The following IRX6 variants were observed in gnomAD, a reference collection of about 807,000 sequenced individuals.
IRX6 encodes iroquois-class homeodomain protein IRX-6.
IRX6 carries 46 observed loss-of-function variants against 47.7 expected under a neutral mutation model. The ratio of observed to expected loss-of-function variants is 0.96; its 90% confidence interval spans 0.76 to 1.23. The LOEUF (loss-of-function observed/expected upper bound fraction) is 1.23, where lower values mean the gene tolerates loss of function less well. Ranked by LOEUF, IRX6 falls within the 50% of genes most tolerant of loss-of-function variation. IRX6 has a pLI of 0.00. For missense variants in IRX6, 722 were observed against 588.0 expected, an observed-to-expected ratio of 1.23 and a Z score of -2.36; for synonymous variants, 265 against 246.2, an observed-to-expected ratio of 1.08 and a Z score of -0.72.
At chr16:55,326,288 TGG>T (rs767987070) in intron 1 of IRX6, 46 bp from the exon 2 acceptor site, 9 of 949,916 alleles carry the variant, frequency 9.5e-6, no homozygotes, top group South Asian at 1.6e-5. Flanking sequence ...GGGGCGGGGG[TGG>T]GGGGGGGGTC....
At position 55,327,360 on chromosome 16, in the gene IRX6, C is replaced by A. The variant is rs1204550343; in HGVS notation, c.368C>A (p.Ala123Asp). 1.9e-6 allele frequency: 3 copies of A among 1,613,950 alleles called. No individual in the cohort carries two copies. Among genetic ancestry groups the A allele is most frequent in the Non-Finnish European group, 2.5e-6 (3 of 1,179,912 alleles). ...SFTSSLAQPG[A>D]YYPYERTLGQ... The stretch of plus-strand genomic sequence containing the variant: ...ACATCCAGCCTGGCACAACCAGGAG[C>A]CTATTATCCCTATGAGCGGACTCTG... Residue 123 changes from alanine (A) to aspartate (D), a missense_variant, in exon 3 of 6, where the codon GCC (alanine) becomes GAC (aspartate). Transcript: ENST00000290552.
Position 55,327,606 on chromosome 16 carries a change from G to A in IRX6, c.434G>A (p.Ser145Asn). 6.2e-7 allele frequency: 1 copy of A among 1,606,194 alleles called. No homozygotes were observed. Among genetic ancestry groups the A allele is most frequent in the Non-Finnish European group, 8.5e-7 (1 of 1,176,814 alleles). The change falls in exon 4 of 6, where the codon AGT becomes AAT. Residue 145 changes from serine (S) to asparagine (N), a missense_variant. Transcript: ENST00000290552. ...QYERYGAVELSGAGRRKNATR... is the reference protein window; with the variant it reads ...QYERYGAVELNGAGRRKNATR... ...CACAGGTATGGCGCAGTGGAATTGAGTGGCGCCGGTCGCCGAAAGAACGCG... is the reference window on the plus strand; with the variant it reads ...CACAGGTATGGCGCAGTGGAATTGAATGGCGCCGGTCGCCGAAAGAACGCG...
chr16:55,326,572 C>T lies in IRX6; in HGVS notation c.282C>T (p.Pro94=), dbSNP rs1479325229. The T allele has an allele frequency of 3.2e-6, 5 of 1,563,102 alleles. No homozygotes were observed. The highest frequency in any genetic ancestry group is 2.7e-5 in the African/African-American group (2 of 73,740). The change falls in exon 2 of 6, where the codon CCC becomes CCT. Residue 94 remains proline (P), a synonymous_variant. Transcript: ENST00000290552. ...GCTACCTGCCCTATAGCCCAGAGCC[C>T]CCCTCACTGTATGGGGCACTGGTGA... ...YPGYLPYSPE[P]PSLYGALNPQ...
In IRX6 at chr16:55,324,992, G is replaced by A. The variant is rs549271745; in HGVS notation, c.-100G>A. 4 of 1,255,864 alleles carry A rather than the reference G, an allele frequency of 3.2e-6. No individual in the cohort carries two copies. Among genetic ancestry groups the A allele is most frequent in the African/African-American group, 1.5e-5 (1 of 67,920 alleles). 77.8% of individuals were successfully genotyped at this position (1,255,864 alleles called of 1,614,324 possible). A position where few individuals can be genotyped will look rare whatever the true frequency, so the allele number is the denominator to read the frequency against. Reference sequence around the variant, plus strand: ...GGAACCGGCGCTGGGCATCCGCAGCGGTGTAAGGAACTGAGACACCTCACT... The same window carrying A: ...GGAACCGGCGCTGGGCATCCGCAGCAGTGTAAGGAACTGAGACACCTCACT... On this transcript the variant is annotated 5_prime_UTR_variant, in exon 1 of 6. Transcript: ENST00000290552. The surrounding 1 kb of genome is among the most constrained non-coding windows in gnomAD (Gnocchi z 4.4).
Position 55,328,916 on chromosome 16 carries a change from C to G in IRX6, c.938C>G (p.Ala313Gly). 6.2e-7 allele frequency: 1 copy of G among 1,613,198 alleles called. No individual in the cohort carries two copies. Among genetic ancestry groups the G allele is most frequent in the Non-Finnish European group, 8.5e-7 (1 of 1,179,974 alleles). Residue 313 changes from alanine to glycine, a missense_variant, in exon 5 of 6, where the codon GCG (alanine) becomes GGG (glycine). Transcript: ENST00000290552. ...GAGCGCAGGGAGTGCGGCCTGGCTG[C>G]GCCCCGCTTCTCCTTCAATGACCCT... ...RLERRECGLA[A>G]PRFSFNDPSG...
rs1567341056 is a variant in IRX6, at chr16:55,330,489, T to G, written c.*184T>G. On this transcript the variant is annotated 3_prime_UTR_variant, in exon 6 of 6. Transcript: ENST00000290552. ...GCAGAGCTGGGGTGGTGGGCCGACT[T>G]GAACCTTAGCAGTCCCCACGGGAGA... 1 of 650,990 alleles carries G rather than the reference T, an allele frequency of 1.5e-6. No individual in the cohort carries two copies. The highest frequency in any genetic ancestry group is 1.8e-5 in the South Asian group (1 of 54,102). The allele number at this position is 650,990 out of a possible 1,614,324, so 40.3% of individuals were successfully genotyped here. A position where few individuals can be genotyped will look rare whatever the true frequency, so the allele number is the denominator to read the frequency against.
At chr16:55,325,296 C>A (rs1960490147) in intron 1 of IRX6, among the ~76,000 whole-genome samples, 160 bp downstream of exon 1, 1 of 151,264 alleles carries the variant, frequency 6.6e-6, no homozygotes, top group Admixed American at 6.6e-5. Context: ...ATCCCCAGTC[C>A]CTAAATGAGA....
In IRX6 at chr16:55,324,358, C is replaced by T. The variant is rs1960471417; in HGVS notation, c.-734C>T. Reference sequence around the variant, plus strand: ...TTTCTCCTGTCTCTTCTTTTGTATTCTCTCCTCCCTCGCCGCCCCGGTTGC... The same window carrying T: ...TTTCTCCTGTCTCTTCTTTTGTATTTTCTCCTCCCTCGCCGCCCCGGTTGC... On this transcript the variant is annotated 5_prime_UTR_variant, in exon 1 of 6. Coordinates refer to ENST00000290552, the MANE Select transcript of IRX6 (RefSeq NM_024335.3). The surrounding 1 kb of genome is among the most constrained non-coding windows in gnomAD (Gnocchi z 4.4). The T allele has an allele frequency of 6.6e-6, 1 of 151,434 alleles. No individual in the cohort carries two copies. The highest frequency in any genetic ancestry group is 2.4e-5 in the African/African-American group (1 of 41,196). The allele number at this position is 151,434 out of a possible 1,614,324, so 9.4% of individuals were successfully genotyped here.
rs1960480272 is a variant in IRX6 at position 55,324,830 on chromosome 16, A to T, written c.-262A>T. Reference sequence around the variant, plus strand: ...CCACCACGCGCCTTTGGGAACCCGCATCTTCTTCCTTCCCCTGCCCATCCA... The same window carrying T: ...CCACCACGCGCCTTTGGGAACCCGCTTCTTCTTCCTTCCCCTGCCCATCCA... On this transcript the variant is annotated 5_prime_UTR_variant, in exon 1 of 6. Transcript: ENST00000290552. This position sits in a 1 kb window ranked among gnomAD's most constrained non-coding sequence, Gnocchi z 4.4. The T allele has an allele frequency of 3.6e-6, 2 of 549,726 alleles. No individual in the cohort carries two copies. Among genetic ancestry groups the T allele is most frequent in the Admixed American group, 3.2e-5 (1 of 31,188 alleles). The allele number at this position is 549,726 out of a possible 1,614,324, so 34.1% of individuals were successfully genotyped here. A position where few individuals can be genotyped will look rare whatever the true frequency, so the allele number is the denominator to read the frequency against.
chr16:55,329,697 C>CA, intron 5 of IRX6, among the ~76,000 whole-genome samples: 1 of 151,768 alleles, frequency 6.6e-6, no homozygotes, highest in East Asian at 1.9e-4. Flanking sequence ...CTCGCTGGTC[C>CA]CTGCTGTGCT....
chr16:55,327,921 T>C, intron 4 of IRX6, 28 bp downstream of exon 4: 1 of 1,557,278 alleles, frequency 6.4e-7, no homozygotes, highest in Non-Finnish European at 8.7e-7. Context: ...CACCCCACCT[T>C]AAGGGTTTTA....
chr16:55,330,611 G>A lies in IRX6; in HGVS notation c.*306G>A, dbSNP rs1960625442. On this transcript the variant is annotated 3_prime_UTR_variant, in exon 6 of 6. Transcript: ENST00000290552. ...CTCTTCCTCCTGTGGATTCAGCAAG[G>A]CTTCCTCTCCTGCTCACCCCTGTCT... The A allele has an allele frequency of 2.0e-6, 1 of 497,296 alleles. No homozygotes were observed. Among genetic ancestry groups the A allele is most frequent in the East Asian group, 3.6e-5 (1 of 27,816 alleles). The allele number at this position is 497,296 out of a possible 1,614,324, so 30.8% of individuals were successfully genotyped here.
chr16:55,326,850 G>T (rs57606480), intron 2 of IRX6: 4,939 of 419,236 alleles, frequency 0.012, 136 homozygotes, highest in South Asian at 0.05. Context: ...GTGCACAGGA[G>T]TTCAAATACT....
chr16:55,326,737 A>G, intron 2 of IRX6, 144 bp downstream of exon 2: 1 of 776,120 alleles, frequency 1.3e-6, no homozygotes, highest in Non-Finnish European at 1.9e-6. Flanking sequence ...AGTACCTTAC[A>G]GTTTGCAGAA....
rs1279281999 is a variant in IRX6 at position 55,327,719 on chromosome 16, G to A, written c.547G>A (p.Ala183Thr). Residue 183 changes from alanine (A) to threonine (T), a missense_variant, in exon 4 of 6, where the codon GCC (alanine) becomes ACC (threonine). Transcript: ENST00000290552. ...CACTAAGGGTGAGAAGATCATGCTG[G>A]CCATCATCACCAAGATGACCCTCAC... ...YPTKGEKIML[A>T]IITKMTLTQV... The A allele has an allele frequency of 4.3e-6, 7 of 1,612,216 alleles. No individual in the cohort carries two copies. The highest frequency in any genetic ancestry group is 1.7e-5 in the Admixed American group (1 of 59,994).
chr16:55,325,569 G>GAA (rs373316749), intron 1 of IRX6, among the ~76,000 whole-genome samples: 1 of 115,438 alleles, frequency 8.7e-6, no homozygotes, highest in Non-Finnish European at 1.9e-5. Context: ...GAGAAAGAAA[G>GAA]AGAAAGAAAG....
Position 55,329,315 on chromosome 16 carries a change from G to T in IRX6, c.1333+4G>T. On this transcript the variant is annotated splice_donor_region_variant and intron_variant, in intron 5 of 5. Coordinates refer to ENST00000290552, the MANE Select transcript of IRX6 (RefSeq NM_024335.3). Reference sequence around the variant, plus strand: ...CAGTACCCGTCTGGAGCAGAAGGTAGTGGGCCCCCAGCGGCGCTGGGAGTA... The same window carrying T: ...CAGTACCCGTCTGGAGCAGAAGGTATTGGGCCCCCAGCGGCGCTGGGAGTA... The T allele has an allele frequency of 6.3e-7, 1 of 1,591,764 alleles. No individual in the cohort carries two copies. The highest frequency in any genetic ancestry group is 8.6e-7 in the Non-Finnish European group (1 of 1,167,406).
intron 1 of IRX6, among the ~76,000 whole-genome samples, chr16:55,325,479 TA>T (rs1280836677): frequency 5.3e-5 from 1 of 18,962 alleles, no homozygotes; most frequent in Non-Finnish European, 7.8e-5. Context: ...AAGAAAGAAA[TA>T]AGGAAGGAAG....
chr16:55,326,129 T>G, intron 1 of IRX6: 4 of 330,124 alleles, frequency 1.2e-5, no homozygotes, highest in Non-Finnish European at 1.6e-5. Context: ...ATAAGGGCAG[T>G]TTGGTTAATT....
Sources: allele counts gnomAD v4.1 joint callset (sites outside exome capture counted in the v4.1 genomes callset), GRCh38; gene constraint gnomAD v4.1.1; non-coding constraint Gnocchi (gnomAD v3.1); transcripts MANE v1.5; gene names NCBI Gene and HGNC (gene_info 2026-07-23, HGNC 2026-07-21).